TNXB: variants seen among roughly 807,000 people sequenced by gnomAD.
The protein encoded by TNXB is tenascin-X.
Under a neutral mutation model 340.5 loss-of-function variants are expected in TNXB, and 183 were observed. The observed-to-expected ratio is 0.54, with a 90% CI of 0.48 to 0.61. The LOEUF (loss-of-function observed/expected upper bound fraction) is 0.61. TNXB is among the 20% of genes least tolerant of loss of function. The pLI is 0.00. For synonymous variants in TNXB, 2,121 were observed against 2,314.5 expected, an observed-to-expected ratio of 0.92 and a Z score of 2.40; for missense variants, 4,613 against 5,446.4, an observed-to-expected ratio of 0.85 and a Z score of 4.82.
At position 32,062,471 on chromosome 6, in the gene TNXB, T is replaced by C; in HGVS notation, c.6854A>G (p.Asp2285Gly). The C allele has an allele frequency of 2.5e-6, 4 of 1,604,516 alleles. No individual in the cohort carries two copies. The highest frequency in any genetic ancestry group is 3.4e-6 in the Non-Finnish European group (4 of 1,173,978). ...SAVGLTAPGKDEEMAPASTEP... is the reference protein window; with the variant it reads ...SAVGLTAPGKGEEMAPASTEP... ...TGTCGAGGCTGGGGCCATTTCTTCA[T>C]CCTTTCCTGGGGCTGCATCAGAAAA... is the stretch of plus-strand genomic sequence containing the variant. Residue 2285 changes from aspartate (D) to glycine (G), a missense_variant, in exon 20 of 44, where the codon GAT becomes GGT. Coordinates refer to ENST00000644971, the MANE Select transcript of TNXB (RefSeq NM_001365276.2). The surrounding 1 kb of genome is among the most constrained non-coding windows in gnomAD (Gnocchi z 4.3).
In TNXB at chr6:32,073,695, G is replaced by C; in HGVS notation, c.4633C>G (p.Leu1545Val). Reference sequence around the variant, plus strand: ...GGGCCCATGCGTTGCCCATCATGTAGTCCATACATGTTCATCTTATATTTT... The same window carrying C: ...GGGCCCATGCGTTGCCCATCATGTACTCCATACATGTTCATCTTATATTTT... ...ERKYKMNMYGLHDGQRMGPLS... is the reference protein window; with the variant it reads ...ERKYKMNMYGVHDGQRMGPLS... Residue 1545 changes from leucine (L) to valine (V), a missense_variant, in exon 12 of 44, where the codon CTA becomes GTA. Leu to Val is a conservative substitution (Grantham distance 32, BLOSUM62 1). Around this residue, in one of 7 missense-constraint regions of TNXB, gnomAD observed 4,327 missense variants for 4,859.4 expected, o/e 0.89. Transcript: ENST00000644971. The surrounding 1 kb of genome is among the most constrained non-coding windows in gnomAD (Gnocchi z 4.6). 1 of 1,611,180 alleles carries C rather than the reference G, an allele frequency of 6.2e-7. No individual in the cohort carries two copies. The highest frequency in any genetic ancestry group is 2.2e-5 in the East Asian group (1 of 44,878).
intron 4 of TNXB, among the ~76,000 whole-genome samples, chr6:32,091,081 T>G (rs1037065025): frequency 6.6e-6 from 1 of 152,218 alleles, no homozygotes; most frequent in Non-Finnish European, 1.5e-5. Context: ...CTACGTCTCC[T>G]AGCACCATCT....
chr6:32,064,776 T>C lies in TNXB; in HGVS notation c.6841+45A>G. Reference sequence around the variant, plus strand: ...CAGATACTGACAATAAAAGGGAAACTGAGTCTAGTTCAGGGCAGGGCCCAG... The same window carrying C: ...CAGATACTGACAATAAAAGGGAAACCGAGTCTAGTTCAGGGCAGGGCCCAG... On this transcript the variant is annotated intron_variant, in intron 19 of 43. Transcript: ENST00000644971. This position sits in a 1 kb window ranked among gnomAD's most constrained non-coding sequence, Gnocchi z 5.3. The C allele has an allele frequency of 6.3e-7, 1 of 1,584,272 alleles. No individual in the cohort carries two copies. The highest frequency in any genetic ancestry group is 8.6e-7 in the Non-Finnish European group (1 of 1,164,148).
Position 32,058,493 on chromosome 6 carries a change from C to T in TNXB, c.7493-103G>A, listed in dbSNP as rs941125283. The T allele has an allele frequency of 2.0e-6, 2 of 999,428 alleles. No individual in the cohort carries two copies. Among genetic ancestry groups the T allele is most frequent in the Non-Finnish European group, 2.9e-6 (2 of 697,750 alleles). The allele number at this position is 999,428 out of a possible 1,614,324, so 61.9% of individuals were successfully genotyped here. On this transcript the variant is annotated intron_variant, in intron 21 of 43. Transcript: ENST00000644971. This position sits in a 1 kb window ranked among gnomAD's most constrained non-coding sequence, Gnocchi z 5.1. ...ATACATCAAATGTGCCCCTCCAGAG[C>T]AGGCTGAGGGCTGGGGCAGCTTTGT...
At chr6:32,057,041 C>G in intron 22 of TNXB, 138 bp from the exon 23 acceptor site, 3 of 1,133,264 alleles carry the variant, frequency 2.6e-6, no homozygotes, top group Non-Finnish European at 3.7e-6. Context: ...AGCTCTTCAT[C>G]CTCTCCTCTC....
intron 4 of TNXB, among the ~76,000 whole-genome samples, chr6:32,094,431 A>G (rs2127283637): frequency 6.6e-6 from 1 of 152,190 alleles, no homozygotes; most frequent in East Asian, 1.9e-4. Flanking sequence ...AAAACCAAAT[A>G]TGACCAAAAC....
At position 32,080,280 on chromosome 6, in the gene TNXB, G is replaced by A. The variant is rs1482817853; in HGVS notation, c.4043-915C>T. On this transcript the variant is annotated intron_variant, in intron 10 of 43. Coordinates refer to ENST00000644971, the MANE Select transcript of TNXB (RefSeq NM_001365276.2). The surrounding 1 kb of genome is among the most constrained non-coding windows in gnomAD (Gnocchi z 4.3). ...GGCTGGAATGCAGTGGCGCGATCTC[G>A]GCTCACTGCAAGCTCCGCCTCCCGG... Among the ~76,000 whole-genome samples the A allele has an allele frequency of 1.3e-5, 2 of 151,756 alleles. No individual in the cohort carries two copies. Among genetic ancestry groups the A allele is most frequent in the African/African-American group, 4.8e-5 (2 of 41,270 alleles).
chr6:32,086,082 T>C lies in TNXB; in HGVS notation c.2816A>G (p.Glu939Gly). ...SPLGLLGTTD[E>G]PPPSGPSTTQ... is the part of the protein sequence containing the mutation. ...CGTCGAGGGGCCTGAGGGAGGAGGCTCATCGGTAGTCCCCAAGAGGCCCAA... is the reference window on the plus strand; with the variant it reads ...CGTCGAGGGGCCTGAGGGAGGAGGCCCATCGGTAGTCCCCAAGAGGCCCAA... The change falls in exon 7 of 44, where the codon GAG becomes GGG. Residue 939 changes from glutamate (E) to glycine (G), a missense_variant. Around this residue, in one of 7 missense-constraint regions of TNXB, gnomAD observed 4,327 missense variants for 4,859.4 expected, o/e 0.89. Coordinates refer to ENST00000644971, the MANE Select transcript of TNXB (RefSeq NM_001365276.2). The C allele has an allele frequency of 6.4e-7, 1 of 1,566,744 alleles. No individual in the cohort carries two copies. Among genetic ancestry groups the C allele is most frequent in the Non-Finnish European group, 8.6e-7 (1 of 1,156,456 alleles).
intron 1 of TNXB, among the ~76,000 whole-genome samples, chr6:32,101,672 G>C (rs1037441145): frequency 6.9e-6 from 1 of 145,848 alleles, no homozygotes. Context: ...CAAGTGATCT[G>C]CCTTGGCCTC....
chr6:32,063,414 A>G (rs1411192125), intron 19 of TNXB, among the ~76,000 whole-genome samples: 3 of 152,202 alleles, frequency 2.0e-5, no homozygotes, highest in East Asian at 1.9e-4. Context: ...GAAAAAAAAA[A>G]AAAAGAAAAC....
chr6:32,053,485 G>T lies in TNXB; in HGVS notation c.8694C>A (p.Thr2898=). ...VRVPGHEDGV[T]ISGLEPDHKY... The stretch of plus-strand genomic sequence containing the variant: ...TGTGGTCTGGCTCCAGGCCTGAGAT[G>T]GTGACCCCGTCCTCGTGCCCCGGCA... The change falls in exon 25 of 44, where the codon ACC becomes ACA. Residue 2898 remains threonine (T), a synonymous_variant. Transcript: ENST00000644971. 6.2e-7 allele frequency: 1 copy of T among 1,613,422 alleles called. No homozygotes were observed. Among genetic ancestry groups the T allele is most frequent in the Non-Finnish European group, 8.5e-7 (1 of 1,179,880 alleles).
At chr6:32,059,876 C>T (rs1003575700) in intron 21 of TNXB, among the ~76,000 whole-genome samples, 3 of 151,924 alleles carry the variant, frequency 2.0e-5, no homozygotes, top group Admixed American at 6.5e-5. Flanking sequence ...TCTTCCCCAT[C>T]GGTAGGAATT....
In TNXB at chr6:32,048,640, G is replaced by T; in HGVS notation, c.9768C>A (p.Pro3256=). ...GGCGGGGCTCCACCGGCAGTGGTGT[G>T]GGCAGGGGCGCTGAAAAGAGCAGAG... The part of the protein sequence containing the change: ...VSTVGITAPL[P]TPLPVEPRLG... Residue 3256 remains proline (P), a synonymous_variant, in exon 29 of 44, where the codon CCC becomes CCA. Coordinates refer to ENST00000644971, the MANE Select transcript of TNXB (RefSeq NM_001365276.2). The T allele has an allele frequency of 6.7e-7, 1 of 1,484,880 alleles. No homozygotes were observed. Among genetic ancestry groups the T allele is most frequent in the Non-Finnish European group, 9.0e-7 (1 of 1,112,010 alleles). 92.0% of individuals were successfully genotyped at this position (1,484,880 alleles called of 1,614,324 possible). A position where few individuals can be genotyped will look rare whatever the true frequency, so the allele number is the denominator to read the frequency against.
At position 32,070,493 on chromosome 6, in the gene TNXB, G is replaced by A; in HGVS notation, c.4991-79C>T. 2 of 1,413,394 alleles carry A rather than the reference G, an allele frequency of 1.4e-6. No individual in the cohort carries two copies. Among genetic ancestry groups the A allele is most frequent in the Non-Finnish European group, 9.4e-7 (1 of 1,064,150 alleles). The allele number at this position is 1,413,394 out of a possible 1,614,324, so 87.6% of individuals were successfully genotyped here. On this transcript the variant is annotated intron_variant, in intron 13 of 43. Transcript: ENST00000644971. The surrounding 1 kb of genome is among the most constrained non-coding windows in gnomAD (Gnocchi z 6.0). ...CTCCCTCTGGGGCTGGAAAAACCCA[G>A]AACTGCCCAAATGCTCAGTGCTTCC...
At chr6:32,092,443 G>A (rs187080954) in intron 4 of TNXB, among the ~76,000 whole-genome samples, 78 of 152,310 alleles carry the variant, frequency 5.1e-4, no homozygotes, top group Admixed American at 1.8e-3. Flanking sequence ...CTGGGAAGAG[G>A]GAAGGTAAGA....
Position 32,108,900 on chromosome 6 carries a change from C to T in TNXB, c.-9+281G>A, listed in dbSNP as rs1781109396. On this transcript the variant is annotated intron_variant, in intron 1 of 43. Coordinates refer to ENST00000644971, the MANE Select transcript of TNXB (RefSeq NM_001365276.2). This position sits in a 1 kb window ranked among gnomAD's most constrained non-coding sequence, Gnocchi z 4.8. ...GGTTCCACCATCTGACTCCCGGAGT[C>T]CCTCGGTTTGTTCCCAGCCCCTCTC... Among the ~76,000 whole-genome samples, 1 of 152,166 alleles carries T rather than the reference C, an allele frequency of 6.6e-6. No homozygotes were observed. The highest frequency in any genetic ancestry group is 2.1e-4 in the South Asian group (1 of 4,834).
chr6:32,070,238 C>T lies in TNXB; in HGVS notation c.5167G>A (p.Glu1723Lys). 6.2e-7 allele frequency: 1 copy of T among 1,609,084 alleles called. No homozygotes were observed. The change falls in exon 14 of 44, where the codon GAG becomes AAG. Residue 1723 changes from glutamate (E) to lysine (K), a missense_variant. Around this residue, in one of 7 missense-constraint regions of TNXB, gnomAD observed 4,327 missense variants for 4,859.4 expected, o/e 0.89. Transcript: ENST00000644971. The surrounding 1 kb of genome is among the most constrained non-coding windows in gnomAD (Gnocchi z 6.0). ...GPQVVPVEGH[E>K]RSVTVTPLDA... ...AGAGGGGTGACAGTGACAGAGCGCT[C>T]ATGGCCCTCCACGGGCACCACCTGG...
chr6:32,096,203 T>C lies in TNXB; in HGVS notation c.1650A>G (p.Ser550=), dbSNP rs927030248. The part of the protein sequence containing the change: ...DGVCVCDAGY[S]GEDCSTRSCP... ...AGCTGCGCGTGCTGCAGTCTTCCCC[T>C]GAGTAGCCTGCGTCACACACGCACA... Residue 550 remains serine, a synonymous_variant, in exon 3 of 44, where the codon TCA becomes TCG. Coordinates refer to ENST00000644971, the MANE Select transcript of TNXB (RefSeq NM_001365276.2). 7.7e-6 allele frequency: 12 copies of C among 1,567,082 alleles called. No individual in the cohort carries two copies. Among genetic ancestry groups the C allele is most frequent in the African/African-American group, 5.4e-5 (4 of 73,494 alleles).
chr6:32,069,151 C>G lies in TNXB; in HGVS notation c.5588-15G>C, dbSNP rs772375034. ...TTCCCTGCCGGCTGGTTCACAGAGA[C>G]AGGTAGAGACAGATGGCTGGTGTGT... On this transcript the variant is annotated splice_polypyrimidine_tract_variant and intron_variant, in intron 15 of 43. Transcript: ENST00000644971. The surrounding 1 kb of genome is among the most constrained non-coding windows in gnomAD (Gnocchi z 6.2). The G allele has an allele frequency of 3.1e-6, 5 of 1,590,446 alleles. No homozygotes were observed. The highest frequency in any genetic ancestry group is 2.6e-6 in the Non-Finnish European group (3 of 1,170,554).
Sources: gnomAD v4.1 joint callset for allele counts (sites outside exome capture counted in the v4.1 genomes callset) on GRCh38, gnomAD v4.1.1 for gene constraint, gnomAD v4.1.1 regional missense constraint, Gnocchi (gnomAD v3.1) non-coding constraint, MANE v1.5 for transcripts, NCBI Gene and HGNC (gene_info 2026-07-23, HGNC 2026-07-21) for gene names.